DTD1: variants seen among roughly 807,000 people sequenced by gnomAD.
DTD1 encodes D-tyrosyl-tRNA deacylase 1 homolog.
A neutral mutation model predicts 25.6 loss-of-function variants in DTD1; 13 were observed. That is an observed-to-expected ratio of 0.51 (90% CI 0.33 to 0.81). The LOEUF (loss-of-function observed/expected upper bound fraction) is 0.81. Among genes scored for constraint, DTD1 ranks in the 30% least tolerant of loss-of-function variants. The pLI, the probability that DTD1 is intolerant of heterozygous loss-of-function variation, is 0.02. For synonymous variants in DTD1, 110 were observed against 103.6 expected (o/e 1.06, Z -0.37); for missense variants, 193 against 266.4 (o/e 0.72, Z 1.92).
chr20:18,701,050 C>A (rs1028371625), intron 4 of DTD1, among the ~76,000 whole-genome samples: 2 of 152,156 alleles, frequency 1.3e-5, no homozygotes, highest in Non-Finnish European at 2.9e-5. Flanking sequence ...TCATTTATTA[C>A]AAAATGACAG....
intron 3 of DTD1, among the ~76,000 whole-genome samples, chr20:18,612,245 G>A (rs909170115): frequency 3.1e-4 from 47 of 151,570 alleles, no homozygotes; most frequent in African/African-American, 1.0e-3. Flanking sequence ...CGTTTTAGCC[G>A]GGATGGTCTC....
At chr20:18,639,344 G>A (rs932183809) in intron 4 of DTD1, among the ~76,000 whole-genome samples, 1 of 152,106 alleles carries the variant, frequency 6.6e-6, no homozygotes, top group Non-Finnish European at 1.5e-5. Flanking sequence ...TATTGAATTT[G>A]ATTTATGTAT....
intron 4 of DTD1, among the ~76,000 whole-genome samples, chr20:18,658,407 G>C (rs889964126): frequency 2.0e-5 from 3 of 151,708 alleles, no homozygotes; most frequent in Admixed American, 2.0e-4. Flanking sequence ...CTCACTGCAA[G>C]CTCCGCCTCC....
At chr20:18,668,533 T>C (rs1206670664) in intron 4 of DTD1, among the ~76,000 whole-genome samples, 2 of 152,122 alleles carry the variant, frequency 1.3e-5, no homozygotes, top group Non-Finnish European at 2.9e-5. Context: ...TGAAGACCTC[T>C]GTTGTCGGTG....
At chr20:18,609,149 A>AT (rs200277859) in intron 3 of DTD1, among the ~76,000 whole-genome samples, 15,260 of 146,902 alleles carry the variant, frequency 0.1, 924 homozygotes, top group East Asian at 0.26. Flanking sequence ...TATTAACTTT[A>AT]TTTTTTTTTT....
intron 4 of DTD1, among the ~76,000 whole-genome samples, chr20:18,668,417 G>A (rs2060939790): frequency 6.6e-6 from 1 of 152,214 alleles, no homozygotes; most frequent in South Asian, 2.1e-4. Context: ...TTATGTTTCT[G>A]TGAGGATTTT....
chr20:18,634,219 C>G (rs1156806197), intron 4 of DTD1, among the ~76,000 whole-genome samples: 1 of 151,996 alleles, frequency 6.6e-6, no homozygotes, highest in Non-Finnish European at 1.5e-5. Context: ...GAAGCTTATT[C>G]TTGTCTTGTT....
At chr20:18,732,074 A>G (rs1200942018) in intron 4 of DTD1, among the ~76,000 whole-genome samples, 2 of 152,148 alleles carry the variant, frequency 1.3e-5, no homozygotes. Flanking sequence ...TCTAGGTTCC[A>G]TGTCTTCCTC....
intron 4 of DTD1, among the ~76,000 whole-genome samples, chr20:18,646,622 C>T (rs1032290209): frequency 7.2e-5 from 11 of 152,150 alleles, no homozygotes; most frequent in African/African-American, 2.4e-4. Context: ...TTTCGTGTGT[C>T]AGGTTAGAGG....
At chr20:18,670,197 G>T (rs560671731) in intron 4 of DTD1, among the ~76,000 whole-genome samples, 1 of 152,140 alleles carries the variant, frequency 6.6e-6, no homozygotes, top group Non-Finnish European at 1.5e-5. Flanking sequence ...TGGCTCATGC[G>T]TATAATCCCA....
intron 5 of DTD1, among the ~76,000 whole-genome samples, chr20:18,750,478 G>A (rs11907034): frequency 0.04 from 6,086 of 152,198 alleles, 258 homozygotes; most frequent in African/African-American, 0.1. Context: ...AGTTTCCAAG[G>A]CACGAGAGAG....
At chr20:18,630,434 A>G (rs1016336461) in intron 4 of DTD1, 3 of 152,042 alleles carry the variant, frequency 2.0e-5, no homozygotes, top group African/African-American at 7.2e-5. Flanking sequence ...ATCTCCGTTC[A>G]TTGCAAGCTC....
At chr20:18,740,335 G>A (rs553150496) in intron 4 of DTD1, among the ~76,000 whole-genome samples, 2 of 145,746 alleles carry the variant, frequency 1.4e-5, no homozygotes, top group South Asian at 4.3e-4. Flanking sequence ...GTTTTGTTTT[G>A]TTTTTAATCT....
chr20:18,628,456 G>A (rs1319824475), intron 4 of DTD1, among the ~76,000 whole-genome samples: 1 of 152,208 alleles, frequency 6.6e-6, no homozygotes, highest in African/African-American at 2.4e-5. Flanking sequence ...GAATTCCAGA[G>A]GACATGTCCT....
At chr20:18,647,797 C>A (rs1029550221) in intron 4 of DTD1, among the ~76,000 whole-genome samples, 2 of 152,098 alleles carry the variant, frequency 1.3e-5, no homozygotes, top group Non-Finnish European at 2.9e-5. Flanking sequence ...TCAGCTGTGA[C>A]CCTCTTGTAG....
intron 4 of DTD1, among the ~76,000 whole-genome samples, chr20:18,655,295 G>C (rs2060887646): frequency 1.3e-5 from 2 of 152,168 alleles, no homozygotes; most frequent in South Asian, 4.1e-4. Flanking sequence ...GATTATAGTA[G>C]ACTAATGAGT....
chr20:18,681,209 G>A (rs1164609227), intron 4 of DTD1, among the ~76,000 whole-genome samples: 1 of 152,168 alleles, frequency 6.6e-6, no homozygotes, highest in Non-Finnish European at 1.5e-5. Context: ...GACTGGGGAT[G>A]GGAAGCTGTC....
At chr20:18,685,015 C>T (rs1199031890) in intron 4 of DTD1, among the ~76,000 whole-genome samples, 2 of 152,110 alleles carry the variant, frequency 1.3e-5, no homozygotes, top group Non-Finnish European at 2.9e-5. Context: ...CCTCCCACCT[C>T]AGCTTCCTGA....
intron 4 of DTD1, among the ~76,000 whole-genome samples, chr20:18,696,991 G>T (rs2061079918): frequency 6.6e-6 from 1 of 151,894 alleles, no homozygotes; most frequent in African/African-American, 2.4e-5. Context: ...CCAGGACTTT[G>T]GGTGGCAGAG....
Sources: allele counts gnomAD v4.1 joint callset (sites outside exome capture counted in the v4.1 genomes callset), GRCh38; gene constraint gnomAD v4.1.1; transcripts MANE v1.5; gene names NCBI Gene and HGNC (gene_info 2026-07-23, HGNC 2026-07-21).